The following ITGAE variants were observed in gnomAD, a reference collection of about 807,000 sequenced individuals.
ITGAE encodes the protein integrin alpha-E.
A neutral mutation model predicts 136.5 loss-of-function variants in ITGAE; 99 were observed. That is an observed-to-expected ratio of 0.73 (90% CI 0.62 to 0.86). The LOEUF (loss-of-function observed/expected upper bound fraction) is 0.86, where lower values mean the gene tolerates loss of function less well. Ranked by LOEUF, ITGAE falls within the 40% of genes least tolerant of loss-of-function variation. The pLI is 0.00. For missense variants in ITGAE, 1,447 were observed against 1,515.3 expected, an observed-to-expected ratio of 0.95 and a Z score of 0.75; for synonymous variants, 613 against 591.8, an observed-to-expected ratio of 1.04 and a Z score of -0.52.
intron 1 of ITGAE, among the ~76,000 whole-genome samples, chr17:3,791,574 C>T (rs541633247): frequency 1.6e-4 from 24 of 152,254 alleles, no homozygotes; most frequent in African/African-American, 5.3e-4. Flanking sequence ...TGAGCCACCA[C>T]GCCCGGCCCT....
rs189063453 is a variant in ITGAE, at chr17:3,730,697, T to C, written c.2834+407A>G. On this transcript the variant is annotated intron_variant, in intron 23 of 30. Transcript: ENST00000263087. ...ACTGAACACCCCCCTCCCCAAGTCA[T>C]GGCAATCAAAACAGGCACAGCCTCT... is the stretch of plus-strand genomic sequence containing the variant. Among the ~76,000 whole-genome samples, 92 of 152,140 alleles carry C rather than the reference T, an allele frequency of 6.0e-4. No homozygotes were observed. The Middle Eastern group carries it at 0.01, about 17-fold the overall frequency.
intron 2 of ITGAE, among the ~76,000 whole-genome samples, chr17:3,768,501 T>A (rs2052349902): frequency 6.6e-6 from 1 of 152,216 alleles, no homozygotes. Context: ...CCCCAGTTCC[T>A]GGGTGACCAG....
chr17:3,800,097 G>A (rs8074818), intron 1 of ITGAE, among the ~76,000 whole-genome samples: 38,979 of 152,150 alleles, frequency 0.26, 5,502 homozygotes, highest in South Asian at 0.32. Context: ...AGCCTGGGCA[G>A]CAGAGCAAGA....
intron 26 of ITGAE, chr17:3,724,171 G>A (rs775270825): frequency 6.3e-7 from 1 of 1,593,210 alleles, no homozygotes; most frequent in Non-Finnish European, 8.5e-7. Flanking sequence ...GTGAGGCGGC[G>A]GCGGAGGCGT....
intron 1 of ITGAE, among the ~76,000 whole-genome samples, chr17:3,783,701 T>A (rs948072708): frequency 6.6e-6 from 1 of 152,184 alleles, no homozygotes; most frequent in Non-Finnish European, 1.5e-5. Context: ...CAGCAGTAGA[T>A]TTCAGGAAGA....
chr17:3,723,850 G>A lies in ITGAE; in HGVS notation c.3085-106C>T, dbSNP rs978414574. 9 of 1,525,878 alleles carry A rather than the reference G, an allele frequency of 5.9e-6. No homozygotes were observed. In the South Asian group the frequency reaches 6.3e-5, roughly 11 times the overall value. The allele number at this position is 1,525,878 out of a possible 1,614,324, so 94.5% of individuals were successfully genotyped here. ...GAGGTGCGCATGCGCAGGGCCGGGA[G>A]CTAGGACCCCGCGGCAGGCGGGCGC... On this transcript the variant is annotated intron_variant, in intron 26 of 30. Coordinates refer to ENST00000263087, the MANE Select transcript of ITGAE (RefSeq NM_002208.5).
rs908023945 is a variant in ITGAE, at chr17:3,798,324, A to G, written c.34+2787T>C. 4.6e-5 allele frequency among the ~76,000 whole-genome samples: 7 copies of G among 151,804 alleles called. No homozygotes were observed. The highest frequency in any genetic ancestry group is 8.8e-5 in the Non-Finnish European group (6 of 67,950). ...TAGGGGTGGCCTCGCCTCTGCCCGC[A>G]CCTCCAGGGCCCAGCATGTCCCGAT... On this transcript the variant is annotated intron_variant, in intron 1 of 30. Transcript: ENST00000263087. The surrounding 1 kb of genome is among the most constrained non-coding windows in gnomAD (Gnocchi z 4.3).
chr17:3,723,906 T>C lies in ITGAE; in HGVS notation c.3085-162A>G, dbSNP rs778001144. The C allele has an allele frequency of 2.5e-5, 38 of 1,535,092 alleles. 1 individual carries two copies. Among genetic ancestry groups the C allele is most frequent in the Non-Finnish European group, 3.3e-5 (38 of 1,143,384 alleles). On this transcript the variant is annotated intron_variant, in intron 26 of 30. Transcript: ENST00000263087. The stretch of plus-strand genomic sequence containing the variant: ...CGTCGCACGGAAGTCTCGCGATGTT[T>C]GCGTTTGAACCTCTTGGCGGGTGCC...
chr17:3,780,003 C>T (rs1274107517), intron 1 of ITGAE, among the ~76,000 whole-genome samples: 2 of 151,918 alleles, frequency 1.3e-5, no homozygotes, highest in Non-Finnish European at 2.9e-5. Flanking sequence ...GATGGAGTTT[C>T]GCTCTTGTTG....
intron 26 of ITGAE, among the ~76,000 whole-genome samples, chr17:3,727,694 T>C (rs1476153730): frequency 6.6e-6 from 1 of 152,162 alleles, no homozygotes; most frequent in African/African-American, 2.4e-5. Flanking sequence ...CCACCGCACC[T>C]GGCCAATTTT....
At position 3,753,937 on chromosome 17, in the gene ITGAE, G is replaced by A. The variant is rs769347476; in HGVS notation, c.1385-12C>T. On this transcript the variant is annotated splice_polypyrimidine_tract_variant and intron_variant, in intron 12 of 30. Coordinates refer to ENST00000263087, the MANE Select transcript of ITGAE (RefSeq NM_002208.5). Reference sequence around the variant, plus strand: ...GGCCACAGCGTAACCTGGGGCAAGGGTGGTGTGGCTGTGAACACACCGTGT... The same window carrying A: ...GGCCACAGCGTAACCTGGGGCAAGGATGGTGTGGCTGTGAACACACCGTGT... 1.9e-6 allele frequency: 3 copies of A among 1,613,260 alleles called. No individual in the cohort carries two copies. The Admixed American group carries it at 5.0e-5, about 27-fold the overall frequency.
chr17:3,721,398 A>C (rs964510159), intron 28 of ITGAE, among the ~76,000 whole-genome samples: 1 of 148,916 alleles, frequency 6.7e-6, no homozygotes, highest in Admixed American at 6.8e-5. Flanking sequence ...CAGCCTCCCA[A>C]GTAGCTGGGA....
chr17:3,774,248 C>T (rs1340950535), intron 2 of ITGAE, among the ~76,000 whole-genome samples: 2 of 152,064 alleles, frequency 1.3e-5, no homozygotes, highest in African/African-American at 4.8e-5. Context: ...GACCACTGAC[C>T]AGGAGCAAAG....
In ITGAE at chr17:3,801,029, A is replaced by T. The variant is rs1452847019; in HGVS notation, c.34+82T>A. 8 of 1,486,572 alleles carry T rather than the reference A, an allele frequency of 5.4e-6. No homozygotes were observed. The African/African-American group carries it at 5.5e-5, about 10-fold the overall frequency. 92.1% of individuals were successfully genotyped at this position (1,486,572 alleles called of 1,614,324 possible). A position where few individuals can be genotyped will look rare whatever the true frequency, so the allele number is the denominator to read the frequency against. On this transcript the variant is annotated intron_variant, in intron 1 of 30. Coordinates refer to ENST00000263087, the MANE Select transcript of ITGAE (RefSeq NM_002208.5). The stretch of plus-strand genomic sequence containing the variant: ...TCTAACTGAGCCCCATCAGAGACAG[A>T]CAGTCAAGGCTGTAGTCTGCAGACA...
At chr17:3,797,484 G>A (rs199735680) in intron 1 of ITGAE, among the ~76,000 whole-genome samples, 2 of 128,872 alleles carry the variant, frequency 1.6e-5, no homozygotes, top group East Asian at 2.2e-4. Flanking sequence ...TTTTTGAGAC[G>A]GTGTCTCTCT....
At position 3,777,636 on chromosome 17, in the gene ITGAE, T is replaced by C. The variant is rs1400405799; in HGVS notation, c.59A>G (p.Asn20Ser). The C allele has an allele frequency of 7.4e-6, 12 of 1,613,384 alleles. No individual in the cohort carries two copies. The highest frequency in any genetic ancestry group is 1.1e-5 in the South Asian group (1 of 91,020). The change falls in exon 2 of 31, where the codon AAT becomes AGT. Residue 20 changes from asparagine to serine, a missense_variant. Transcript: ENST00000263087. The stretch of plus-strand genomic sequence containing the variant: ...GAGCCAGGGCCGGGCCACATCCACA[T>C]TGAAAGCGGCCAGCAGGGCCAGGCC... Reference protein sequence around the residue: ...IASLALLAAFNVDVARPWLTP... With the variant: ...IASLALLAAFSVDVARPWLTP...
rs746282209 is a variant in ITGAE, at chr17:3,719,235, CAAAAAAAAAAA to C, written c.3333+1061_3333+1071del. The stretch of plus-strand genomic sequence containing the variant: ...TGGGCGACACAGTGAGATTCTTCCT[CAAAAAAAAAAA>C]AAAAAAAAAAGAAAAGAAAAGAAAA... On this transcript the variant is annotated intron_variant, in intron 29 of 30. Coordinates refer to ENST00000263087, the MANE Select transcript of ITGAE (RefSeq NM_002208.5). Among the ~76,000 whole-genome samples, 3 of 66,224 alleles carry C rather than the reference CAAAAAAAAAAA, an allele frequency of 4.5e-5. No homozygotes were observed. The South Asian group carries it at 1.7e-3, about 38-fold the overall frequency. 43.4% of individuals were successfully genotyped at this position (66,224 alleles called of 152,430 possible). A position where few individuals can be genotyped will look rare whatever the true frequency, so the allele number is the denominator to read the frequency against.
intron 2 of ITGAE, among the ~76,000 whole-genome samples, chr17:3,773,573 CAAAGCT>C (rs2052476611): frequency 7.0e-6 from 1 of 143,254 alleles, no homozygotes; most frequent in African/African-American, 2.7e-5. Flanking sequence ...GGGTGAGGGG[CAAAGCT>C]TCCATGCCCT....
At chr17:3,761,219 C>T in intron 5 of ITGAE, 42 bp from the exon 6 acceptor site, 2 of 1,596,368 alleles carry the variant, frequency 1.3e-6, no homozygotes, top group Non-Finnish European at 1.7e-6. Flanking sequence ...CAGAAAGGCT[C>T]CATCCTCGCC....
Sources: gnomAD v4.1 joint callset for allele counts (sites outside exome capture counted in the v4.1 genomes callset) on GRCh38, gnomAD v4.1.1 for gene constraint, Gnocchi (gnomAD v3.1) non-coding constraint, MANE v1.5 for transcripts, NCBI Gene and HGNC (gene_info 2026-07-23, HGNC 2026-07-21) for gene names.